AHR: variants seen among roughly 807,000 people sequenced by gnomAD.
AHR encodes AH-receptor.
Under a neutral mutation model 86.8 loss-of-function variants are expected in AHR, and 40 were observed. That is an observed-to-expected ratio of 0.46 (90% CI 0.36 to 0.60). The LOEUF is 0.60. AHR is among the 20% of genes least tolerant of loss of function. AHR has a pLI of 0.00. For synonymous variants in AHR, 398 were observed against 354.9 expected (o/e 1.12, Z -1.37); for missense variants, 1,001 against 1,011.6 (o/e 0.99, Z 0.14).
intron 1 of AHR, among the ~76,000 whole-genome samples, chr7:17,299,558 C>G (rs1273002338): frequency 6.6e-6 from 1 of 152,238 alleles, no homozygotes; most frequent in Admixed American, 6.5e-5. Context: ...CCTCTTCCCC[C>G]GCACCAGTGC....
At chr7:17,314,741 C>A (rs1448329181) in intron 2 of AHR, among the ~76,000 whole-genome samples, 2 of 151,982 alleles carry the variant, frequency 1.3e-5, no homozygotes, top group African/African-American at 2.4e-5. Flanking sequence ...TTTATAAAAT[C>A]TAATAGATTT....
Position 17,333,892 on chromosome 7 carries a change from G to A in AHR, c.706-20G>A, listed in dbSNP as rs747737461. On this transcript the variant is annotated intron_variant, in intron 6 of 10. Transcript: ENST00000242057. ...ATTGTTAATTTTAATGAACTTTTTT[G>A]TTGTTGTTGCTTTTTTAAGGCAATG... is the stretch of plus-strand genomic sequence containing the variant. 1 of 1,598,868 alleles carries A rather than the reference G, an allele frequency of 6.3e-7. No individual in the cohort carries two copies. The highest frequency in any genetic ancestry group is 8.6e-7 in the Non-Finnish European group (1 of 1,168,464).
At chr7:17,319,055 GTCAGCTGTACT>G (rs1782144055) in intron 2 of AHR, among the ~76,000 whole-genome samples, 1 of 152,036 alleles carries the variant, frequency 6.6e-6, no homozygotes, top group African/African-American at 2.4e-5. Context: ...TTGTTCAAGG[GTCAGCTGTACT>G]TTCAAATGTG....
intron 1 of AHR, among the ~76,000 whole-genome samples, chr7:17,304,728 C>T (rs2115350327): frequency 6.6e-6 from 1 of 152,210 alleles, no homozygotes; most frequent in African/African-American, 2.4e-5. Flanking sequence ...AAAAGAATGT[C>T]TTTAAAGATA....
intron 2 of AHR, among the ~76,000 whole-genome samples, chr7:17,321,732 A>G (rs1453444068): frequency 6.6e-6 from 1 of 151,990 alleles, no homozygotes; most frequent in African/African-American, 2.4e-5. Flanking sequence ...GTTAAAAGCT[A>G]TACCGGAAAA....
chr7:17,317,556 C>G (rs373982683), intron 2 of AHR, among the ~76,000 whole-genome samples: 2 of 152,128 alleles, frequency 1.3e-5, no homozygotes, highest in Admixed American at 6.6e-5. Context: ...TGAGGGAATT[C>G]AATCCAGAAC....
chr7:17,304,960 A>G (rs1294540612), intron 1 of AHR, among the ~76,000 whole-genome samples: 2 of 152,128 alleles, frequency 1.3e-5, no homozygotes, highest in African/African-American at 2.4e-5. Context: ...TGAGTTTTCC[A>G]GGATTATGGA....
intron 6 of AHR, 47 bp from the exon 7 acceptor site, chr7:17,333,865 A>G (rs1782326962): frequency 6.6e-7 from 1 of 1,510,056 alleles, no homozygotes; most frequent in African/African-American, 1.4e-5. Flanking sequence ...GCACTATTTT[A>G]TATTGTTAAT....
At position 17,299,234 on chromosome 7, in the gene AHR, G is replaced by A; in HGVS notation, c.-31G>A. 2.5e-6 allele frequency: 4 copies of A among 1,606,556 alleles called. No homozygotes were observed. Among genetic ancestry groups the A allele is most frequent in the Non-Finnish European group, 3.4e-6 (4 of 1,177,906 alleles). ...TCCGGGGACCCGGCCGCCAGTGCCCGGGGAGTAGCCGCCGCCGTCGGCTGG... is the reference window on the plus strand; with the variant it reads ...TCCGGGGACCCGGCCGCCAGTGCCCAGGGAGTAGCCGCCGCCGTCGGCTGG... On this transcript the variant is annotated 5_prime_UTR_variant, in exon 1 of 11. Transcript: ENST00000242057.
At chr7:17,334,808 A>C in intron 7 of AHR, 79 bp from the exon 8 acceptor site, 1 of 1,044,014 alleles carries the variant, frequency 9.6e-7, no homozygotes, top group African/African-American at 1.6e-5. Flanking sequence ...CTAGCGTAAA[A>C]CCAATGAATT....
At chr7:17,330,151 A>T in intron 5 of AHR, 76 bp downstream of exon 5, 1 of 1,405,162 alleles carries the variant, frequency 7.1e-7, no homozygotes, top group African/African-American at 1.4e-5. Context: ...GGGAACCTGT[A>T]GGGTCATAGA....
chr7:17,313,516 T>G (rs6956448), intron 2 of AHR, among the ~76,000 whole-genome samples: 3,271 of 152,236 alleles, frequency 0.021, 119 homozygotes, highest in African/African-American at 0.075. Flanking sequence ...TTATTGCAAG[T>G]TTAAATAATC....
intron 9 of AHR, among the ~76,000 whole-genome samples, chr7:17,337,222 A>C (rs959096184): frequency 6.6e-6 from 1 of 152,014 alleles, no homozygotes; most frequent in Non-Finnish European, 1.5e-5. Context: ...GATGGATTTC[A>C]GTTTTTTTGA....
intron 3 of AHR, among the ~76,000 whole-genome samples, chr7:17,325,210 T>A (rs1782215761): frequency 6.6e-6 from 1 of 152,214 alleles, no homozygotes; most frequent in African/African-American, 2.4e-5. Flanking sequence ...CTTGAGATCA[T>A]TTGAGATATA....
intron 2 of AHR, among the ~76,000 whole-genome samples, chr7:17,312,439 G>A (rs925944931): frequency 5.9e-5 from 9 of 152,122 alleles, no homozygotes; most frequent in African/African-American, 2.2e-4. Context: ...ACATATAAAT[G>A]TGTGTGAAAC....
chr7:17,345,204 A>G lies in AHR; in HGVS notation c.*2140A>G, dbSNP rs1782470014. 6.6e-6 allele frequency: 1 copy of G among 151,624 alleles called. No individual in the cohort carries two copies. Among genetic ancestry groups the G allele is most frequent in the African/African-American group, 2.4e-5 (1 of 41,258 alleles). 9.4% of individuals were successfully genotyped at this position (151,624 alleles called of 1,614,324 possible). On this transcript the variant is annotated 3_prime_UTR_variant, in exon 11 of 11. Coordinates refer to ENST00000242057, the MANE Select transcript of AHR (RefSeq NM_001621.5). ...GTGGCGTGAGCCTGTAGTCCTAGCTACTCAGGAGGCTGAGGCAGGAGAATA... is the reference window on the plus strand; with the variant it reads ...GTGGCGTGAGCCTGTAGTCCTAGCTGCTCAGGAGGCTGAGGCAGGAGAATA...
intron 10 of AHR, among the ~76,000 whole-genome samples, chr7:17,340,866 C>G (rs1364436301): frequency 6.6e-6 from 1 of 152,036 alleles, no homozygotes; most frequent in Non-Finnish European, 1.5e-5. Context: ...AGAGGTAACT[C>G]AGCTGGCTTT....
At chr7:17,316,348 G>A (rs1442482111) in intron 2 of AHR, among the ~76,000 whole-genome samples, 7 of 152,206 alleles carry the variant, frequency 4.6e-5, no homozygotes, top group Non-Finnish European at 1.0e-4. Flanking sequence ...TCTGGGCTCT[G>A]TGGCTCATGC....
intron 2 of AHR, among the ~76,000 whole-genome samples, chr7:17,320,646 G>T (rs1194095243): frequency 1.3e-5 from 2 of 152,144 alleles, no homozygotes; most frequent in East Asian, 3.9e-4. Flanking sequence ...ACGTTGTATG[G>T]TTTTAGTGCA....
Sources: allele counts gnomAD v4.1 joint callset (sites outside exome capture counted in the v4.1 genomes callset), GRCh38; gene constraint gnomAD v4.1.1; transcripts MANE v1.5; gene names NCBI Gene and HGNC (gene_info 2026-07-23, HGNC 2026-07-21).